Variants in SPOCD1 observed in about 807,000 individuals in gnomAD.
The protein encoded by SPOCD1 is SPOC domain-containing protein 1.
SPOCD1 carries 64 observed loss-of-function variants against 92.2 expected under a neutral mutation model. The observed-to-expected ratio is 0.69, with a 90% CI of 0.57 to 0.86. The LOEUF (loss-of-function observed/expected upper bound fraction) is 0.86, where lower values mean the gene tolerates loss of function less well. Among genes scored for constraint, SPOCD1 ranks in the 40% least tolerant of loss-of-function variants. The pLI is 0.00. For missense variants in SPOCD1, 1,360 were observed against 1,543.1 expected (o/e 0.88, Z 1.99); for synonymous variants, 578 against 619.3 (o/e 0.93, Z 0.99).
At position 31,798,299 on chromosome 1, in the gene SPOCD1, C is replaced by T; in HGVS notation, c.2053G>A (p.Gly685Arg). Residue 685 changes from glycine (G) to arginine (R), a missense_variant, in exon 9 of 16, where the codon GGA (glycine) becomes AGA (arginine). Gly to Arg is a moderately radical substitution (Grantham distance 125). Coordinates refer to ENST00000360482, the MANE Select transcript of SPOCD1 (RefSeq NM_144569.7). The surrounding 1 kb of genome is among the most constrained non-coding windows in gnomAD (Gnocchi z 4.1). ...NLDLFLKVVH[G>R]DVTPYDLVRM... ...ACCAGGTCGTAGGGGGTGACATCTC[C>T]ATGAACCACTTTGAGAAACAAGTCC... is the stretch of plus-strand genomic sequence containing the variant. 6.2e-7 allele frequency: 1 copy of T among 1,613,856 alleles called. No homozygotes were observed. The highest frequency in any genetic ancestry group is 8.5e-7 in the Non-Finnish European group (1 of 1,179,970).
rs1460070862 is a variant in SPOCD1 at position 31,800,508 on chromosome 1, G to A, written c.1535C>T (p.Ser512Leu). The A allele has an allele frequency of 1.2e-6, 2 of 1,612,582 alleles. No individual in the cohort carries two copies. The highest frequency in any genetic ancestry group is 1.1e-5 in the South Asian group (1 of 90,658). The change falls in exon 4 of 16, where the codon TCA becomes TTA. Residue 512 changes from serine (S) to leucine (L), a missense_variant. Transcript: ENST00000360482. ...TCTGAGCCTCTGGGCAGGTGAGGGT[G>A]AGCTGACCTCCATCAAGTCCTCTAG... ...EVLEDLMEVSSPSPAQRLRRK... is the reference protein window; with the variant it reads ...EVLEDLMEVSLPSPAQRLRRK...
At position 31,791,239 on chromosome 1, in the gene SPOCD1, A is replaced by G. The variant is rs763660818; in HGVS notation, c.3015T>C (p.Thr1005=). The change falls in exon 16 of 16, where the codon ACT becomes ACC. Residue 1005 remains threonine (T), a synonymous_variant. Transcript: ENST00000360482. ...GCACAGCCAGCAACAGACTTGAGTG[A>G]GTGACCTCCAGACCTGGGGAAAGGA... is the stretch of plus-strand genomic sequence containing the variant. The part of the protein sequence containing the change: ...SPLLSPGLEV[T]HSSLLLAVLL... The G allele has an allele frequency of 6.3e-7, 1 of 1,587,638 alleles. No homozygotes were observed. The highest frequency in any genetic ancestry group is 8.6e-7 in the Non-Finnish European group (1 of 1,165,128).
rs1287076793 is a variant in SPOCD1 at position 31,792,220 on chromosome 1, C to T, written c.2957G>A (p.Gly986Asp). 1.2e-6 allele frequency: 2 copies of T among 1,601,094 alleles called. No individual in the cohort carries two copies. Among genetic ancestry groups the T allele is most frequent in the Admixed American group, 1.7e-5 (1 of 57,846 alleles). Reference protein sequence around the residue: ...PLPTRLRPLGGPGLWALPVSP... With the variant: ...PLPTRLRPLGDPGLWALPVSP... ...TATGGGGACTAGGCACTCACCTGGG[C>T]CCCCCAAAGGGCGCAGCCTGGTGGG... Residue 986 changes from glycine to aspartate, a missense_variant, in exon 15 of 16, where the codon GGC becomes GAC. Physicochemically the swap from Gly to Asp is moderately conservative, Grantham distance 94 (BLOSUM62 -1). Coordinates refer to ENST00000360482, the MANE Select transcript of SPOCD1 (RefSeq NM_144569.7).
chr1:31,807,658 T>G (rs1414988243), intron 2 of SPOCD1, among the ~76,000 whole-genome samples: 1 of 151,720 alleles, frequency 6.6e-6, no homozygotes, highest in African/African-American at 2.4e-5. Flanking sequence ...AATAGTAGCA[T>G]AAACTGAACG....
Position 31,794,661 on chromosome 1 carries a change from C to A in SPOCD1, c.2272-426G>T, listed in dbSNP as rs949255678. On this transcript the variant is annotated intron_variant, in intron 10 of 15. Transcript: ENST00000360482. ...CCTCCTGAGTAGCTATAGGCGTGTG[C>A]CACTATGCCCAGCTAATTTTTGTAT... 4.9e-4 allele frequency: 75 copies of A among 153,332 alleles called. 1 individual carries two copies. The highest frequency in any genetic ancestry group is 2.3e-4 in the Non-Finnish European group (16 of 68,992). 9.5% of individuals were successfully genotyped at this position (153,332 alleles called of 1,614,324 possible).
In SPOCD1 at chr1:31,815,974, A is replaced by T. The variant is rs1246405046; in HGVS notation, c.-53T>A. The T allele has an allele frequency of 1.3e-5, 2 of 151,850 alleles. No homozygotes were observed. The highest frequency in any genetic ancestry group is 1.3e-4 in the Admixed American group (2 of 15,210). 9.4% of individuals were successfully genotyped at this position (151,850 alleles called of 1,614,324 possible). A position where few individuals can be genotyped will look rare whatever the true frequency, so the allele number is the denominator to read the frequency against. On this transcript the variant is annotated 5_prime_UTR_variant, in exon 1 of 16. Transcript: ENST00000360482. ...CGTCGCTCTCACCTGGGCTTCCCTGAGTTTTCCCTCCTGGGGTTCCACCCA... is the reference window on the plus strand; with the variant it reads ...CGTCGCTCTCACCTGGGCTTCCCTGTGTTTTCCCTCCTGGGGTTCCACCCA...
chr1:31,811,735 C>T lies in SPOCD1; in HGVS notation c.1383+2216G>A, dbSNP rs74542906. Among the ~76,000 whole-genome samples the T allele has an allele frequency of 6.5e-3, 984 of 152,330 alleles. 9 individuals are homozygous for T. Among genetic ancestry groups the T allele is most frequent in the African/African-American group, 0.022 (919 of 41,582 alleles). Reference sequence around the variant, plus strand: ...CCCTGTCTGCAACCACCCGCCTGTCCCTGTCACAGCCCAGACTCAATTCTT... The same window carrying T: ...CCCTGTCTGCAACCACCCGCCTGTCTCTGTCACAGCCCAGACTCAATTCTT... On this transcript the variant is annotated intron_variant, in intron 2 of 15. Transcript: ENST00000360482.
Position 31,814,163 on chromosome 1 carries a change from G to A in SPOCD1, c.1171C>T (p.Arg391Trp), listed in dbSNP as rs769251963. The change falls in exon 2 of 16, where the codon CGG (arginine) becomes TGG (tryptophan). Residue 391 changes from arginine (R) to tryptophan (W), a missense_variant. Transcript: ENST00000360482. The surrounding 1 kb of genome is among the most constrained non-coding windows in gnomAD (Gnocchi z 4.2). ...AAPADTCASS[R>W]EPLGGLSSSL... ...GAGCTGAGGCCGCCCAAGGGCTCCC[G>A]GGAGCTGGCACAGGTGTCAGCGGGG... 70 of 1,580,582 alleles carry A rather than the reference G, an allele frequency of 4.4e-5. No homozygotes were observed. In the Middle Eastern group the frequency reaches 8.4e-4, roughly 19 times the overall value.
chr1:31,803,481 T>G (rs1050970432), intron 2 of SPOCD1, among the ~76,000 whole-genome samples: 9 of 151,602 alleles, frequency 5.9e-5, no homozygotes, highest in Non-Finnish European at 1.0e-4. Flanking sequence ...GCCTGTAATC[T>G]CAGCACTTTG....
At chr1:31,806,110 T>C (rs1442534668) in intron 2 of SPOCD1, among the ~76,000 whole-genome samples, 1 of 148,998 alleles carries the variant, frequency 6.7e-6, no homozygotes, top group African/African-American at 2.5e-5. Context: ...TCAAAAACTA[T>C]AAAGCAAAAA....
At position 31,798,286 on chromosome 1, in the gene SPOCD1, G is replaced by T. The variant is rs755115371; in HGVS notation, c.2066C>A (p.Pro689His). ...CGAGCTCATCCGCACCAGGTCGTAG[G>T]GGGTGACATCTCCATGAACCACTTT... ...FLKVVHGDVT[P>H]YDLVRMSSMQ... The change falls in exon 9 of 16, where the codon CCC becomes CAC. Residue 689 changes from proline to histidine, a missense_variant. Pro to His is a moderately conservative substitution (Grantham distance 77). Coordinates refer to ENST00000360482, the MANE Select transcript of SPOCD1 (RefSeq NM_144569.7). The surrounding 1 kb of genome is among the most constrained non-coding windows in gnomAD (Gnocchi z 4.1). 1.2e-6 allele frequency: 2 copies of T among 1,613,882 alleles called. No individual in the cohort carries two copies. Among genetic ancestry groups the T allele is most frequent in the African/African-American group, 2.7e-5 (2 of 74,922 alleles).
intron 1 of SPOCD1, 82 bp downstream of exon 1, chr1:31,815,879 C>A (rs1290963526): frequency 6.6e-6 from 1 of 152,410 alleles, no homozygotes; most frequent in African/African-American, 2.4e-5. Context: ...CTGAAAGGCG[C>A]CCCACCCAGG....
rs778884297 is a variant in SPOCD1, at chr1:31,799,998, C to T, written c.1728+18G>A. The T allele has an allele frequency of 3.5e-5, 56 of 1,611,016 alleles. No homozygotes were observed. In the Middle Eastern group the frequency reaches 2.1e-3, roughly 62 times the overall value. ...TGCTCCAGTGAAGGAGGCACATGGC[C>T]GGGGCAGAACAACTTGCCTGGGAAC... On this transcript the variant is annotated intron_variant, in intron 5 of 15. Transcript: ENST00000360482.
intron 15 of SPOCD1, 168 bp downstream of exon 15, chr1:31,792,047 T>G: frequency 1.4e-6 from 1 of 705,378 alleles, no homozygotes; most frequent in Admixed American, 2.9e-5. Flanking sequence ...ATGCAGTTCA[T>G]GATATCCAAG....
At chr1:31,793,241 T>A in intron 13 of SPOCD1, 37 bp downstream of exon 13, 1 of 1,559,096 alleles carries the variant, frequency 6.4e-7, no homozygotes, top group Non-Finnish European at 8.7e-7. Flanking sequence ...GGCTGGTCAG[T>A]GTGTAAGGGA....
chr1:31,800,772 T>A (rs1313258457), intron 3 of SPOCD1, among the ~76,000 whole-genome samples, 155 bp from the exon 4 acceptor site: 1 of 152,194 alleles, frequency 6.6e-6, no homozygotes, highest in Non-Finnish European at 1.5e-5. Context: ...CCCCGCTGTA[T>A]TTGCAATGCT....
At chr1:31,802,151 G>C (rs1344098828) in intron 2 of SPOCD1, among the ~76,000 whole-genome samples, 1 of 152,134 alleles carries the variant, frequency 6.6e-6, no homozygotes, top group Admixed American at 6.5e-5. Flanking sequence ...CTGGGTGACA[G>C]AGTGAGACTC....
At position 31,798,348 on chromosome 1, in the gene SPOCD1, G is replaced by C; in HGVS notation, c.2029-25C>G. On this transcript the variant is annotated intron_variant, in intron 8 of 15. Coordinates refer to ENST00000360482, the MANE Select transcript of SPOCD1 (RefSeq NM_144569.7). This position sits in a 1 kb window ranked among gnomAD's most constrained non-coding sequence, Gnocchi z 4.1. Reference sequence around the variant, plus strand: ...CCTGGTGGGGGCAGGGGGCAGGGCTGCACCACACGCTGAAAGAGCTCCCCC... The same window carrying C: ...CCTGGTGGGGGCAGGGGGCAGGGCTCCACCACACGCTGAAAGAGCTCCCCC... 1.2e-6 allele frequency: 2 copies of C among 1,603,554 alleles called. No individual in the cohort carries two copies. Among genetic ancestry groups the C allele is most frequent in the Non-Finnish European group, 8.5e-7 (1 of 1,173,184 alleles).
In SPOCD1 at chr1:31,793,884, C is replaced by T. The variant is rs535728600; in HGVS notation, c.2397G>A (p.Ser799=). The change falls in exon 12 of 16, where the codon TCG becomes TCA. Residue 799 remains serine (S), a synonymous_variant. Transcript: ENST00000360482. The part of the protein sequence containing the change: ...NCHICKDWEP[S]NELLGSFEAA... ...CTTCGAAGGAGCCTAGCAGCTCATT[C>T]GAGGGCTCCCAGTCTGCAAATAGCA... 1.3e-5 allele frequency: 21 copies of T among 1,611,944 alleles called. No homozygotes were observed. Among genetic ancestry groups the T allele is most frequent in the South Asian group, 2.2e-5 (2 of 90,996 alleles).
Sources: allele counts gnomAD v4.1 joint callset (sites outside exome capture counted in the v4.1 genomes callset), GRCh38; gene constraint gnomAD v4.1.1; non-coding constraint Gnocchi (gnomAD v3.1); transcripts MANE v1.5; gene names NCBI Gene and HGNC (gene_info 2026-07-23, HGNC 2026-07-21).